FAAH2: variants seen among roughly 807,000 people sequenced by gnomAD.
FAAH2 encodes the protein fatty-acid amide hydrolase 2.
In FAAH2, 60 loss-of-function variants were observed where a neutral mutation model predicts 36.9. That is an observed-to-expected ratio of 1.63 (90% CI 1.32 to 2.02). FAAH2 has a LOEUF of 2.02. Ranked by LOEUF, FAAH2 falls within the 30% of genes most tolerant of loss-of-function variation. FAAH2 has a pLI of 0.00. For missense variants in FAAH2, 689 were observed against 397.5 expected, an observed-to-expected ratio of 1.73 and a Z score of -6.23; for synonymous variants, 214 against 143.8, an observed-to-expected ratio of 1.49 and a Z score of -3.49.
intron 5 of FAAH2, among the ~76,000 whole-genome samples, chrX:57,347,369 C>A (rs771251111): frequency 1.8e-5 from 2 of 111,358 alleles, no homozygotes; most frequent in South Asian, 3.7e-4. Context: ...ATACTTCCTA[C>A]TGTATTATGA....
At chrX:57,382,910 C>T (rs746482411) in intron 7 of FAAH2, among the ~76,000 whole-genome samples, 5 of 111,570 alleles carry the variant, frequency 4.5e-5, no homozygotes, top group Middle Eastern at 9.3e-3. Flanking sequence ...TGATGAACAT[C>T]GATGCAAAAA....
At chrX:57,203,092 T>C in the FAAH2 span, among the ~76,000 whole-genome samples, 2 of 111,585 alleles carry the variant, frequency 1.8e-5, no homozygotes, top group East Asian at 2.8e-4. Context: ...CACAGAAATA[T>C]AGGGTGTGGG....
intron 2 of FAAH2, among the ~76,000 whole-genome samples, chrX:57,294,797 G>A (rs188727214): frequency 1.8e-5 from 2 of 111,564 alleles, no homozygotes; most frequent in East Asian, 5.6e-4. Flanking sequence ...CAGTCTCTGT[G>A]AGATTTCTAC....
chrX:57,389,378 C>A (rs1369071920), intron 7 of FAAH2, among the ~76,000 whole-genome samples: 1 of 105,817 alleles, frequency 9.5e-6, no homozygotes, highest in Non-Finnish European at 1.9e-5. Flanking sequence ...TATTTCATCC[C>A]CTTACCCCAC....
chrX:57,345,887 G>T (rs1569278261), intron 5 of FAAH2, among the ~76,000 whole-genome samples: 1 of 111,235 alleles, frequency 9.0e-6, no homozygotes, highest in Non-Finnish European at 1.9e-5. Context: ...TCACCCAAAA[G>T]TTATTCAGGA....
At chrX:57,293,894 G>T (rs762740316) in intron 2 of FAAH2, among the ~76,000 whole-genome samples, 1 of 110,576 alleles carries the variant, frequency 9.0e-6, no homozygotes, top group African/African-American at 3.3e-5. Context: ...TTGGAGATTT[G>T]AAGAGAGAGA....
the FAAH2 span, among the ~76,000 whole-genome samples, chrX:57,200,730 T>C: frequency 1.8e-5 from 2 of 111,967 alleles, no homozygotes; most frequent in Non-Finnish European, 3.8e-5. Context: ...TATTGTATTA[T>C]CTGTCTTGAA....
At chrX:57,130,028 A>G in the FAAH2 span, among the ~76,000 whole-genome samples, 2 of 112,735 alleles carry the variant, frequency 1.8e-5, no homozygotes, top group African/African-American at 6.4e-5. Flanking sequence ...TTTAAGTTCT[A>G]AAGTATAAGA....
chrX:57,210,386 C>A, the FAAH2 span, among the ~76,000 whole-genome samples: 4 of 111,988 alleles, frequency 3.6e-5, no homozygotes, highest in Non-Finnish European at 7.5e-5. Context: ...AAATGATTAG[C>A]AAGTCAATCC....
At chrX:57,144,923 TAC>T in the FAAH2 span, among the ~76,000 whole-genome samples, 12,968 of 105,269 alleles carry the variant, frequency 0.12, 1,946 homozygotes, top group African/African-American at 0.41. Flanking sequence ...TGTGTGTGCA[TAC>T]ACACACACAC....
At chrX:57,151,754 A>C in the FAAH2 span, among the ~76,000 whole-genome samples, 1 of 110,918 alleles carries the variant, frequency 9.0e-6, no homozygotes, top group African/African-American at 3.3e-5. Flanking sequence ...GCCTTCTCTC[A>C]GCTTGTCAAA....
At chrX:57,394,605 C>T (rs1279062313) in intron 7 of FAAH2, 9 of 1,152,816 alleles carry the variant, frequency 7.8e-6, no homozygotes, top group African/African-American at 5.4e-5. Flanking sequence ...ATGAGCATTG[C>T]AACCGTCATG....
the FAAH2 span, among the ~76,000 whole-genome samples, chrX:57,248,988 T>C: frequency 9.1e-6 from 1 of 109,872 alleles, no homozygotes; most frequent in African/African-American, 3.3e-5. Context: ...AAGTGTATTT[T>C]GCACTTTTAT....
chrX:57,186,496 C>T, the FAAH2 span, among the ~76,000 whole-genome samples: 1 of 111,845 alleles, frequency 8.9e-6, no homozygotes, highest in Non-Finnish European at 1.9e-5. Context: ...CAAAAATTTT[C>T]TCCTATTCCA....
At chrX:57,136,372 C>T in the FAAH2 span, 2 of 1,047,988 alleles carry the variant, frequency 1.9e-6, no homozygotes, top group Middle Eastern at 2.8e-4. Context: ...TTTATAGGCA[C>T]CTGATCCAGA....
At chrX:57,132,402 C>T in the FAAH2 span, among the ~76,000 whole-genome samples, 1 of 112,136 alleles carries the variant, frequency 8.9e-6, no homozygotes, top group Non-Finnish European at 1.9e-5. Flanking sequence ...CCAATCTAGG[C>T]GTTGAGTATA....
the FAAH2 span, among the ~76,000 whole-genome samples, chrX:57,124,855 G>A: frequency 1.8e-5 from 2 of 112,252 alleles, no homozygotes; most frequent in East Asian, 5.5e-4. Context: ...CATTGATTTT[G>A]TATCCTGAGA....
intron 8 of FAAH2, among the ~76,000 whole-genome samples, chrX:57,439,961 A>G (rs1386810809): frequency 9.0e-6 from 1 of 111,329 alleles, no homozygotes; most frequent in African/African-American, 3.3e-5. Context: ...ATTGATCTAT[A>G]TCTCTGTTTT....
At chrX:57,424,913 G>T (rs2056123086) in intron 7 of FAAH2, among the ~76,000 whole-genome samples, 2 of 110,709 alleles carry the variant, frequency 1.8e-5, no homozygotes, top group Non-Finnish European at 3.8e-5. Context: ...ACCACGTAAA[G>T]AATTCAAAAC....
Sources: gnomAD v4.1 joint callset for allele counts (sites outside exome capture counted in the v4.1 genomes callset) on GRCh38, gnomAD v4.1.1 for gene constraint, MANE v1.5 for transcripts, NCBI Gene and HGNC (gene_info 2026-07-23, HGNC 2026-07-21) for gene names.